SCAPER: variants seen among roughly 807,000 people sequenced by gnomAD.
The protein encoded by SCAPER is S phase cyclin A-associated protein in the endoplasmic reticulum.
SCAPER carries 98 observed loss-of-function variants against 182.2 expected under a neutral mutation model. The ratio of observed to expected loss-of-function variants is 0.54; its 90% CI spans 0.46 to 0.64. The LOEUF is 0.64. Ranked by LOEUF, SCAPER falls within the 30% of genes least tolerant of loss-of-function variation. The pLI is 0.00. For missense variants in SCAPER, 1,432 were observed against 1,690.0 expected, an observed-to-expected ratio of 0.85 and a Z score of 2.68; for synonymous variants, 605 against 564.6, an observed-to-expected ratio of 1.07 and a Z score of -1.01.
At chr15:76,766,160 G>A (rs1202029384) in intron 11 of SCAPER, among the ~76,000 whole-genome samples, 2 of 151,852 alleles carry the variant, frequency 1.3e-5, no homozygotes, top group Admixed American at 6.6e-5. Flanking sequence ...GCAGTGGCAC[G>A]ATCTCAGCTC....
At chr15:76,643,613 C>G (rs1474859165) in intron 21 of SCAPER, among the ~76,000 whole-genome samples, 1 of 152,112 alleles carries the variant, frequency 6.6e-6, no homozygotes, top group African/African-American at 2.4e-5. Flanking sequence ...ACTCGGGAGG[C>G]AGAGGTTGTA....
chr15:76,855,430 T>G (rs190998884), intron 4 of SCAPER, among the ~76,000 whole-genome samples: 6 of 121,850 alleles, frequency 4.9e-5, no homozygotes, highest in African/African-American at 1.7e-4. Flanking sequence ...ACATGGCATC[T>G]AATTAAACTT....
intron 4 of SCAPER, among the ~76,000 whole-genome samples, chr15:76,856,942 T>C (rs1243614271): frequency 6.6e-6 from 1 of 152,176 alleles, no homozygotes; most frequent in Non-Finnish European, 1.5e-5. Flanking sequence ...CTAACTATAA[T>C]TATGCTAAAC....
In SCAPER at chr15:76,636,984, T is replaced by TA. The variant is rs537033234; in HGVS notation, c.2646-15156dup. 4.2e-3 allele frequency among the ~76,000 whole-genome samples: 637 copies of TA among 151,290 alleles called. 4 individuals are homozygous for TA. Among genetic ancestry groups the TA allele is most frequent in the African/African-American group, 0.011 (450 of 41,226 alleles). On this transcript the variant is annotated intron_variant, in intron 21 of 31. Transcript: ENST00000563290. ...TAGCATTATTCCTGCCATTTTATTT[T>TA]AAAAAAAAACAGCTTTGAGATAAAA...
intron 20 of SCAPER, among the ~76,000 whole-genome samples, chr15:76,681,230 C>A (rs767853650): frequency 1.3e-5 from 2 of 152,070 alleles, no homozygotes; most frequent in Non-Finnish European, 2.9e-5. Flanking sequence ...ACCCTATAAA[C>A]AAAAGGAGAA....
intron 21 of SCAPER, among the ~76,000 whole-genome samples, chr15:76,643,668 C>T (rs955044024): frequency 5.9e-5 from 9 of 152,006 alleles, no homozygotes; most frequent in African/African-American, 9.7e-5. Flanking sequence ...GGTGACAGGG[C>T]GAAACTCTGT....
chr15:76,729,295 T>TACACATACACACAC (rs2060777956), intron 16 of SCAPER, among the ~76,000 whole-genome samples: 1 of 144,196 alleles, frequency 6.9e-6, no homozygotes, highest in African/African-American at 2.5e-5. Flanking sequence ...TATATACACA[T>TACACATACACACAC]ACACACACAC....
intron 14 of SCAPER, among the ~76,000 whole-genome samples, chr15:76,757,581 T>G (rs920249957): frequency 6.6e-6 from 1 of 152,078 alleles, no homozygotes; most frequent in Non-Finnish European, 1.5e-5. Flanking sequence ...GGTGCACAGG[T>G]ATCTCTTTTT....
In SCAPER at chr15:76,795,359, TG is replaced by T. The variant is rs1568162098; in HGVS notation, c.692del (p.Thr231LysfsTer9). On this transcript the variant is annotated frameshift_variant, in exon 8 of 32. Coordinates refer to ENST00000563290, the MANE Select transcript of SCAPER (RefSeq NM_020843.4). LOFTEE classifies it high-confidence loss of function. ...SWADKVKAHH[T>X]GSTASSEITP... ...TTATTTCTGAAGAAGCAGTAGAGCC[TG>T]TATGATGAGCCTTTACCTTGTCAGC... 1 of 1,613,380 alleles carries T rather than the reference TG, an allele frequency of 6.2e-7. No homozygotes were observed. The highest frequency in any genetic ancestry group is 8.5e-7 in the Non-Finnish European group (1 of 1,179,468).
intron 6 of SCAPER, 120 bp downstream of exon 6, chr15:76,804,413 A>G (rs1337261039): frequency 3.4e-6 from 2 of 596,266 alleles, no homozygotes; most frequent in South Asian, 2.4e-5. Context: ...GAAATGCAGC[A>G]CCTGACTTTT....
At chr15:76,722,005 A>C (rs986166826) in intron 17 of SCAPER, among the ~76,000 whole-genome samples, 3 of 152,152 alleles carry the variant, frequency 2.0e-5, no homozygotes, top group African/African-American at 4.8e-5. Flanking sequence ...GTCTTGTGCC[A>C]GTTTTCAAAG....
At chr15:76,490,273 G>A (rs923797942) in intron 24 of SCAPER, among the ~76,000 whole-genome samples, 33 of 152,080 alleles carry the variant, frequency 2.2e-4, no homozygotes, top group African/African-American at 4.8e-5. Flanking sequence ...AGTGTACAAG[G>A]GTCCCAATTT....
At chr15:76,682,573 G>A (rs1261084784) in intron 20 of SCAPER, among the ~76,000 whole-genome samples, 1 of 152,142 alleles carries the variant, frequency 6.6e-6, no homozygotes, top group Admixed American at 6.5e-5. Context: ...CCCCAAAACA[G>A]TGCGGCATTT....
chr15:76,674,821 CATAATAT>C (rs76963681), intron 20 of SCAPER, among the ~76,000 whole-genome samples: 12,805 of 152,138 alleles, frequency 0.084, 614 homozygotes, highest in Middle Eastern at 0.12. Flanking sequence ...AAGTTTTATA[CATAATAT>C]ATATTTTGTG....
At chr15:76,670,326 TATAA>T (rs971335830) in intron 20 of SCAPER, among the ~76,000 whole-genome samples, 1 of 152,142 alleles carries the variant, frequency 6.6e-6, no homozygotes, top group Admixed American at 6.5e-5. Context: ...CTATATTTGA[TATAA>T]ATATATATTC....
At chr15:76,435,201 G>A (rs1454958054) in intron 25 of SCAPER, among the ~76,000 whole-genome samples, 1 of 152,180 alleles carries the variant, frequency 6.6e-6, no homozygotes, top group South Asian at 2.1e-4. Context: ...ATCCTATCAT[G>A]TACTTGGAAA....
intron 4 of SCAPER, among the ~76,000 whole-genome samples, chr15:76,843,775 C>T (rs1191353286): frequency 6.6e-6 from 1 of 151,684 alleles, no homozygotes; most frequent in African/African-American, 2.4e-5. Flanking sequence ...CAGGGCAACA[C>T]AGTGAGACCT....
intron 25 of SCAPER, among the ~76,000 whole-genome samples, chr15:76,450,254 T>C (rs930678576): frequency 2.0e-5 from 3 of 152,178 alleles, no homozygotes; most frequent in African/African-American, 4.8e-5. Flanking sequence ...TCACTTAAAA[T>C]ATAAGGAAAG....
At chr15:76,532,983 AAAT>A (rs1237981849) in intron 23 of SCAPER, among the ~76,000 whole-genome samples, 4 of 152,252 alleles carry the variant, frequency 2.6e-5, no homozygotes, top group South Asian at 2.1e-4. Context: ...ACACAGGGTT[AAAT>A]AATTACCTTT....
Sources: gnomAD v4.1 joint callset for allele counts (sites outside exome capture counted in the v4.1 genomes callset) on GRCh38, gnomAD v4.1.1 for gene constraint, MANE v1.5 for transcripts, NCBI Gene and HGNC (gene_info 2026-07-23, HGNC 2026-07-21) for gene names.